FBXL13: variants seen among roughly 807,000 people sequenced by gnomAD.
FBXL13 encodes the protein F-box and leucine rich repeat protein 13.
In FBXL13, 67 loss-of-function variants were observed where a neutral mutation model predicts 83.6. The ratio of observed to expected loss-of-function variants is 0.80; its 90% CI spans 0.66 to 0.98. FBXL13 has a LOEUF of 0.98. FBXL13 is among the 50% of genes least tolerant of loss of function. The pLI is 0.00. For missense variants in FBXL13, 822 were observed against 866.5 expected (o/e 0.95, Z 0.64); for synonymous variants, 272 against 299.5 (o/e 0.91, Z 0.95).
At chr7:102,951,732 C>A (rs1476361342) in intron 8 of FBXL13, among the ~76,000 whole-genome samples, 3 of 143,934 alleles carry the variant, frequency 2.1e-5, no homozygotes, top group Non-Finnish European at 4.5e-5. Flanking sequence ...TTAAGCCCAA[C>A]AGGTTGAGGC....
intron 11 of FBXL13, among the ~76,000 whole-genome samples, chr7:102,887,743 T>C (rs975623761): frequency 6.6e-6 from 1 of 152,146 alleles, no homozygotes; most frequent in Non-Finnish European, 1.5e-5. Flanking sequence ...GTTTATCACA[T>C]CTCAAAAATA....
intron 1 of FBXL13, among the ~76,000 whole-genome samples, chr7:103,066,955 C>A (rs1312911541): frequency 2.0e-5 from 3 of 151,994 alleles, no homozygotes; most frequent in Admixed American, 6.6e-5. Context: ...CCACGCCCAG[C>A]TAATTTTGTA....
At chr7:102,839,024 G>A (rs1362345354) in intron 17 of FBXL13, among the ~76,000 whole-genome samples, 1 of 152,224 alleles carries the variant, frequency 6.6e-6, no homozygotes, top group Non-Finnish European at 1.5e-5. Flanking sequence ...CCCTGGAAAC[G>A]GCATGTCTTG....
At chr7:103,061,087 G>A (rs1399361761) in intron 1 of FBXL13, among the ~76,000 whole-genome samples, 1 of 152,048 alleles carries the variant, frequency 6.6e-6, no homozygotes, top group Non-Finnish European at 1.5e-5. Context: ...TGAATATTCC[G>A]GAAGATTACT....
chr7:102,878,688 C>G (rs1014606219), intron 14 of FBXL13, among the ~76,000 whole-genome samples: 5 of 152,056 alleles, frequency 3.3e-5, no homozygotes, highest in African/African-American at 1.2e-4. Flanking sequence ...TTCCTTTGTT[C>G]ATAATTTTTA....
In FBXL13 at chr7:103,061,624, C is replaced by T. The variant is rs538490632; in HGVS notation, c.-104-5877G>A. Among the ~76,000 whole-genome samples, 13 of 152,138 alleles carry T rather than the reference C, an allele frequency of 8.5e-5. No individual in the cohort carries two copies. In the East Asian group the frequency reaches 9.7e-4, roughly 11 times the overall value. On this transcript the variant is annotated intron_variant, in intron 1 of 19. Coordinates refer to ENST00000313221, the Ensembl canonical transcript of FBXL13. ...CTGATTCTTGCATCTCTGACAAATA[C>T]GTGCAGCAATTAGTCTCTTAAAAAA...
chr7:102,953,004 C>CAA (rs1441596311), intron 8 of FBXL13, among the ~76,000 whole-genome samples: 2 of 151,898 alleles, frequency 1.3e-5, no homozygotes, highest in African/African-American at 4.8e-5. Context: ...AACAAACAAA[C>CAA]AAACAAAAAA....
chr7:103,070,684 G>A (rs1218431191), intron 1 of FBXL13, among the ~76,000 whole-genome samples: 1 of 152,226 alleles, frequency 6.6e-6, no homozygotes, highest in Non-Finnish European at 1.5e-5. Flanking sequence ...AAGGCCTCAG[G>A]AAGCTTTTAC....
chr7:103,028,477 T>C, intron 4 of FBXL13, 123 bp downstream of exon 5: 1 of 600,706 alleles, frequency 1.7e-6, no homozygotes, highest in African/African-American at 1.9e-5. Flanking sequence ...CTTCATTTCA[T>C]GACAATTGTC....
At chr7:102,923,366 C>T (rs911232309) in intron 10 of FBXL13, among the ~76,000 whole-genome samples, 4 of 152,190 alleles carry the variant, frequency 2.6e-5, no homozygotes, top group African/African-American at 9.6e-5. Context: ...TGGCCAATTC[C>T]AAGCTATCAA....
chr7:103,057,053 T>A (rs1797407322), intron 1 of FBXL13, among the ~76,000 whole-genome samples: 1 of 152,172 alleles, frequency 6.6e-6, no homozygotes, highest in Non-Finnish European at 1.5e-5. Flanking sequence ...ATTCTGGATA[T>A]TAGTCCTTTG....
At chr7:103,013,125 A>G (rs1791834287) in intron 6 of FBXL13, among the ~76,000 whole-genome samples, 1 of 152,176 alleles carries the variant, frequency 6.6e-6, no homozygotes, top group South Asian at 2.1e-4. Context: ...CTCAACCCAG[A>G]TTCATAAAGT....
chr7:102,846,141 T>C (rs1221152078), intron 17 of FBXL13, among the ~76,000 whole-genome samples: 1 of 152,130 alleles, frequency 6.6e-6, no homozygotes, highest in Non-Finnish European at 1.5e-5. Flanking sequence ...CACCACATAG[T>C]ATTGAATTTT....
At chr7:102,888,018 AC>A (rs1264318414) in intron 11 of FBXL13, among the ~76,000 whole-genome samples, 2 of 152,180 alleles carry the variant, frequency 1.3e-5, no homozygotes, top group African/African-American at 4.8e-5. Context: ...ATCATCTCCT[AC>A]CATAGACCTC....
exon 18 of FBXL13, chr7:102,832,974 C>T (rs1766844110): frequency 6.2e-7 from 1 of 1,613,662 alleles, no homozygotes; most frequent in African/African-American, 1.3e-5. Flanking sequence ...TTGCAGAATG[C>T]CTGCAAAAAA....
At chr7:102,926,305 T>C in exon 10 of FBXL13, 8 of 1,613,900 alleles carry the variant, frequency 5.0e-6, no homozygotes, top group Non-Finnish European at 6.8e-6. Flanking sequence ...CTGTTGGTGA[T>C]AGTTGTGTTA....
chr7:103,018,897 G>A (rs943235949), intron 6 of FBXL13, among the ~76,000 whole-genome samples: 1 of 150,372 alleles, frequency 6.7e-6, no homozygotes, highest in African/African-American at 2.4e-5. Flanking sequence ...ACACCCCACT[G>A]TCAACATTAG....
rs73714527 is a variant in FBXL13 at position 102,845,581 on chromosome 7, A to C, written c.1719+9196T>G. The stretch of plus-strand genomic sequence containing the variant: ...AGTCAGATGCATGGACATCGTCTTT[A>C]ACCACATCTTCACACTCATCCCTCA... On this transcript the variant is annotated intron_variant, in intron 17 of 19. Coordinates refer to ENST00000313221, the Ensembl canonical transcript of FBXL13. Among the ~76,000 whole-genome samples the C allele has an allele frequency of 6.9e-3, 1,046 of 152,308 alleles. 6 individuals are homozygous for C. The highest frequency in any genetic ancestry group is 0.023 in the African/African-American group (974 of 41,556).
chr7:103,025,088 AG>A lies in FBXL13; in HGVS notation c.469del (p.Leu157CysfsTer16), dbSNP rs1268875100. ...CTGTAATATTGCTCTTTCAGGTAAC[AG>A]TGAAATGTCACATTTTAGAGTCTCA... On this transcript the variant is annotated frameshift_variant, in exon 6 of 20. Transcript: ENST00000313221. LOFTEE classifies it high-confidence loss of function. 1 of 1,611,420 alleles carries A rather than the reference AG, an allele frequency of 6.2e-7. No individual in the cohort carries two copies. Among genetic ancestry groups the A allele is most frequent in the South Asian group, 1.1e-5 (1 of 90,550 alleles).
Sources: allele counts gnomAD v4.1 joint callset (sites outside exome capture counted in the v4.1 genomes callset), GRCh38; gene constraint gnomAD v4.1.1; transcripts MANE v1.5; gene names NCBI Gene and HGNC (gene_info 2026-07-23, HGNC 2026-07-21).